GABRG3: variants seen among roughly 807,000 people sequenced by gnomAD.
GABRG3 encodes the protein gamma-aminobutyric acid type A receptor subunit gamma3, also known as gamma-aminobutyric acid receptor subunit gamma-3.
A neutral mutation model predicts 48.8 loss-of-function variants in GABRG3; 25 were observed. The ratio of observed to expected loss-of-function variants is 0.51; its 90% CI spans 0.37 to 0.72. GABRG3 has a LOEUF of 0.72. GABRG3 is among the 30% of genes least tolerant of loss of function. The pLI, the probability that GABRG3 is intolerant of heterozygous loss-of-function variation, is 0.00. For missense variants in GABRG3, 394 were observed against 577.9 expected, an observed-to-expected ratio of 0.68 and a Z score of 3.26; for synonymous variants, 227 against 217.6, an observed-to-expected ratio of 1.04 and a Z score of -0.38.
In GABRG3 at chr15:27,540,289, C is replaced by T. The variant is rs1402850998; in HGVS notation, c.*7408C>T. 6 of 151,784 alleles carry T rather than the reference C, an allele frequency of 4.0e-5. No homozygotes were observed. Among genetic ancestry groups the T allele is most frequent in the African/African-American group, 1.5e-4 (6 of 41,288 alleles). 9.4% of individuals were successfully genotyped at this position (151,784 alleles called of 1,614,324 possible). A position where few individuals can be genotyped will look rare whatever the true frequency, so the allele number is the denominator to read the frequency against. ...TCTCTCTTTTTTTTTCCGTTTTTAC[C>T]TTAGTTGGCTATTTTATTCCTTTTC... On this transcript the variant is annotated 3_prime_UTR_variant, in exon 10 of 10. Coordinates refer to ENST00000615808, the MANE Select transcript of GABRG3 (RefSeq NM_033223.5).
chr15:27,308,352 C>CGTTTATATATAAACATATAAACATTT (rs1318825907), intron 3 of GABRG3, among the ~76,000 whole-genome samples: 1 of 101,684 alleles, frequency 9.8e-6, no homozygotes, highest in Non-Finnish European at 2.2e-5. Flanking sequence ...TATAAACATA[C>CGTTTATATATAAACATATAAACATTT]GTTTATATAT....
intron 3 of GABRG3, among the ~76,000 whole-genome samples, chr15:27,282,362 G>T (rs575144617): frequency 4.1e-4 from 63 of 152,196 alleles, no homozygotes; most frequent in African/African-American, 1.5e-3. Context: ...TTTTGTCACA[G>T]AGGCCACAAG....
At chr15:26,982,592 C>A (rs1465315791) in intron 2 of GABRG3, among the ~76,000 whole-genome samples, 2 of 152,178 alleles carry the variant, frequency 1.3e-5, no homozygotes, top group Admixed American at 1.3e-4. Flanking sequence ...AATAGGCAAG[C>A]AAAATTCACA....
chr15:27,269,062 C>A (rs10908270), intron 3 of GABRG3, among the ~76,000 whole-genome samples: 15,416 of 151,962 alleles, frequency 0.1, 1,381 homozygotes, highest in African/African-American at 0.24. Context: ...TCTAATCCTT[C>A]TTCCTTCATC....
rs9672842 is a variant in GABRG3 at position 27,354,987 on chromosome 15, T to C, written c.574+26099T>C. On this transcript the variant is annotated intron_variant, in intron 5 of 9. Coordinates refer to ENST00000615808, the MANE Select transcript of GABRG3 (RefSeq NM_033223.5). ...GTGCTTTCTGGTTCTAATCGGAGGA[T>C]CATTGAGAAGGAGAGAGCTCTGCCA... 7.7e-3 allele frequency among the ~76,000 whole-genome samples: 1,174 copies of C among 152,226 alleles called. 16 individuals carry two copies. Among genetic ancestry groups the C allele is most frequent in the African/African-American group, 0.027 (1,120 of 41,508 alleles).
chr15:27,326,644 C>T (rs575168530), intron 3 of GABRG3, among the ~76,000 whole-genome samples, 165 bp from the exon 4 acceptor site: 3 of 152,268 alleles, frequency 2.0e-5, no homozygotes, highest in South Asian at 4.1e-4. Context: ...TAATATTGGT[C>T]ATCATTCACT....
intron 5 of GABRG3, among the ~76,000 whole-genome samples, chr15:27,412,523 T>A (rs1887827358): frequency 6.6e-6 from 1 of 152,236 alleles, no homozygotes; most frequent in African/African-American, 2.4e-5. Context: ...CCTAAATAAA[T>A]AAAGCGTGTT....
intron 6 of GABRG3, 151 bp from the exon 7 acceptor site, chr15:27,519,821 C>A (rs1891116525): frequency 3.1e-6 from 2 of 655,140 alleles, no homozygotes; most frequent in South Asian, 2.1e-5. Flanking sequence ...TTTAAGAAAA[C>A]CAGCATTTTG....
chr15:27,052,576 AAC>A (rs1896474082), intron 3 of GABRG3, among the ~76,000 whole-genome samples: 1 of 152,196 alleles, frequency 6.6e-6, no homozygotes, highest in Admixed American at 6.5e-5. Context: ...CTGCTTCTAA[AAC>A]ACACGAAATC....
At chr15:27,022,994 G>A (rs539936132) in intron 2 of GABRG3, among the ~76,000 whole-genome samples, 10 of 152,094 alleles carry the variant, frequency 6.6e-5, no homozygotes, top group East Asian at 1.9e-4. Context: ...CTTAGCTGGC[G>A]GATCTTTGCA....
chr15:27,271,740 C>T (rs1022579965), intron 3 of GABRG3: 3 of 422,274 alleles, frequency 7.1e-6, no homozygotes, highest in African/African-American at 6.1e-5. Context: ...AGCCAATGCA[C>T]CTTAGATCAG....
intron 3 of GABRG3, among the ~76,000 whole-genome samples, chr15:27,297,808 A>C (rs1376965477): frequency 6.6e-6 from 1 of 152,162 alleles, no homozygotes; most frequent in Non-Finnish European, 1.5e-5. Flanking sequence ...AACATATGTA[A>C]GTTTTATACT....
intron 5 of GABRG3, among the ~76,000 whole-genome samples, chr15:27,419,581 A>C (rs1490544836): frequency 6.6e-6 from 1 of 152,154 alleles, no homozygotes; most frequent in Non-Finnish European, 1.5e-5. Context: ...AAGGTACTAA[A>C]CGGAGAATTA....
At chr15:27,412,469 A>G (rs1422950103) in intron 5 of GABRG3, among the ~76,000 whole-genome samples, 1 of 152,254 alleles carries the variant, frequency 6.6e-6, no homozygotes, top group Non-Finnish European at 1.5e-5. Flanking sequence ...ACTTTCAGTC[A>G]GCAGAATTAT....
intron 3 of GABRG3, among the ~76,000 whole-genome samples, chr15:27,260,072 T>G (rs760589614): frequency 1.3e-5 from 2 of 152,208 alleles, no homozygotes; most frequent in Non-Finnish European, 2.9e-5. Context: ...GGGACTCCTG[T>G]CTATCATGTG....
chr15:26,980,318 A>G (rs1242792318), intron 2 of GABRG3, among the ~76,000 whole-genome samples: 2 of 151,334 alleles, frequency 1.3e-5, no homozygotes, highest in African/African-American at 2.4e-5. Flanking sequence ...TTGCTTTTAT[A>G]CTTATTATTT....
At chr15:27,113,499 G>A (rs571539587) in intron 3 of GABRG3, among the ~76,000 whole-genome samples, 2 of 152,084 alleles carry the variant, frequency 1.3e-5, no homozygotes, top group Non-Finnish European at 2.9e-5. Context: ...GTGGAGGGCT[G>A]GGGGTGATGC....
In GABRG3 at chr15:27,377,101, C is replaced by T. The variant is rs527313527; in HGVS notation, c.574+48213C>T. On this transcript the variant is annotated intron_variant, in intron 5 of 9. Transcript: ENST00000615808. The stretch of plus-strand genomic sequence containing the variant: ...TCTCTAGGGCAGGGGCAAAATGCTG[C>T]TAGTCTCTTTGCTAAAACATAACAG... Among the ~76,000 whole-genome samples the T allele has an allele frequency of 5.3e-5, 8 of 152,330 alleles. No homozygotes were observed. In the South Asian group the frequency reaches 1.7e-3, roughly 32 times the overall value.
chr15:27,381,526 C>A (rs2140564782), intron 5 of GABRG3, among the ~76,000 whole-genome samples: 1 of 152,344 alleles, frequency 6.6e-6, no homozygotes, highest in African/African-American at 2.4e-5. Context: ...TTTCTCACCC[C>A]AGTGCTGGCT....
Sources: allele counts gnomAD v4.1 joint callset (sites outside exome capture counted in the v4.1 genomes callset), GRCh38; gene constraint gnomAD v4.1.1; transcripts MANE v1.5; gene names NCBI Gene and HGNC (gene_info 2026-07-23, HGNC 2026-07-21).